The following WAC variants were observed in gnomAD, a reference collection of about 807,000 sequenced individuals.
The protein encoded by WAC is WW domain-containing adapter protein with coiled-coil.
A neutral mutation model predicts 79.6 loss-of-function variants in WAC; 11 were observed. The observed-to-expected ratio is 0.14, with a 90% CI of 0.09 to 0.23. The LOEUF is 0.23. Among genes scored for constraint, WAC ranks in the 10% least tolerant of loss-of-function variants. The pLI is 1.00. For missense variants in WAC, 728 were observed against 773.5 expected (o/e 0.94, Z 0.70); for synonymous variants, 304 against 276.9 (o/e 1.10, Z -0.97).
At chr10:28,573,738 A>G (rs1359096588) in intron 3 of WAC, among the ~76,000 whole-genome samples, 1 of 152,188 alleles carries the variant, frequency 6.6e-6, no homozygotes, top group African/African-American at 2.4e-5. Context: ...ATACCATACC[A>G]TTCAGCCATT....
intron 4 of WAC, among the ~76,000 whole-genome samples, chr10:28,587,650 C>T (rs1000441704): frequency 6.6e-6 from 1 of 152,162 alleles, no homozygotes; most frequent in Non-Finnish European, 1.5e-5. Context: ...TATTGCACAT[C>T]GGCATTGTAA....
chr10:28,555,467 T>C (rs1837930513), intron 3 of WAC, among the ~76,000 whole-genome samples: 1 of 152,022 alleles, frequency 6.6e-6, no homozygotes, highest in African/African-American at 2.4e-5. Flanking sequence ...TTGCAGTAGA[T>C]ACAAGAACCA....
In WAC at chr10:28,614,679, G is replaced by A. The variant is rs372352573; in HGVS notation, c.1550G>A (p.Arg517His). The change falls in exon 11 of 14, where the codon CGC becomes CAC. Residue 517 changes from arginine (R) to histidine (H), a missense_variant. This residue lies in a region of WAC where 648 missense variants were observed against 661.5 expected (regional missense o/e 0.98). Transcript: ENST00000354911. Reference protein sequence around the residue: ...HEPVSPRSLQRSSSQRSPSPG... With the variant: ...HEPVSPRSLQHSSSQRSPSPG... ...CCTGTCTCTCCTCGAAGTCTTCAGC[G>A]CTCAAGGTAGGTTGATATTGTATAT... 2.1e-5 allele frequency: 34 copies of A among 1,612,618 alleles called. No individual in the cohort carries two copies. The South Asian group carries it at 3.4e-4, about 16-fold the overall frequency.
chr10:28,594,289 TA>T (rs1330545375), intron 6 of WAC, among the ~76,000 whole-genome samples: 2 of 152,188 alleles, frequency 1.3e-5, no homozygotes, highest in Non-Finnish European at 2.9e-5. Context: ...GTTGAGGAAA[TA>T]AAAATTGTAT....
intron 3 of WAC, among the ~76,000 whole-genome samples, chr10:28,568,815 G>A (rs974123779): frequency 2.0e-5 from 3 of 151,982 alleles, no homozygotes; most frequent in South Asian, 2.1e-4. Flanking sequence ...CTCATGATCC[G>A]CCCACCTTGG....
At chr10:28,567,835 G>T (rs966393836) in intron 3 of WAC, among the ~76,000 whole-genome samples, 2 of 151,904 alleles carry the variant, frequency 1.3e-5, no homozygotes, top group African/African-American at 4.8e-5. Context: ...GCTCACTGCA[G>T]CCTTGACCTC....
intron 3 of WAC, among the ~76,000 whole-genome samples, chr10:28,564,787 T>C (rs929561582): frequency 6.6e-6 from 1 of 152,246 alleles, no homozygotes; most frequent in Non-Finnish European, 1.5e-5. Context: ...TAGTATATTA[T>C]GACAGCCTCA....
intron 2 of WAC, chr10:28,535,162 C>T (rs1589114382): frequency 7.2e-6 from 1 of 139,282 alleles, no homozygotes; most frequent in Non-Finnish European, 1.5e-5. Flanking sequence ...TATGCATGTG[C>T]TTATTTATAC....
intron 3 of WAC, among the ~76,000 whole-genome samples, chr10:28,561,522 C>T (rs1017443164): frequency 2.8e-4 from 42 of 151,598 alleles, no homozygotes; most frequent in African/African-American, 9.4e-4. Flanking sequence ...ATGGCATAAA[C>T]GATTTACATT....
chr10:28,569,061 G>A (rs1838804382), intron 3 of WAC, among the ~76,000 whole-genome samples: 1 of 152,122 alleles, frequency 6.6e-6, no homozygotes, highest in Non-Finnish European at 1.5e-5. Flanking sequence ...GAATGAAGAA[G>A]TTCCTGGATA....
chr10:28,587,002 C>CTG (rs1275386311), intron 4 of WAC, among the ~76,000 whole-genome samples: 7 of 152,112 alleles, frequency 4.6e-5, no homozygotes, highest in Non-Finnish European at 1.0e-4. Context: ...TGCTTCCCAC[C>CTG]TGTAGTCCTG....
chr10:28,562,312 T>G (rs1838345232), intron 3 of WAC, among the ~76,000 whole-genome samples: 1 of 152,194 alleles, frequency 6.6e-6, no homozygotes, highest in Non-Finnish European at 1.5e-5. Flanking sequence ...CACCTCAGCC[T>G]CCCAAAGTGT....
intron 3 of WAC, among the ~76,000 whole-genome samples, chr10:28,544,975 G>GA (rs1837271164): frequency 6.8e-6 from 1 of 148,044 alleles, no homozygotes; most frequent in Non-Finnish European, 1.5e-5. Context: ...CGAAGCAGGA[G>GA]AATCGCTTAA....
chr10:28,570,071 A>G (rs1403616050), intron 3 of WAC, among the ~76,000 whole-genome samples: 4 of 152,254 alleles, frequency 2.6e-5, no homozygotes, highest in African/African-American at 9.6e-5. Context: ...CAGCTGAGAC[A>G]CATGAGCAGT....
chr10:28,595,294 T>C (rs1296014470), intron 6 of WAC, among the ~76,000 whole-genome samples: 1 of 152,250 alleles, frequency 6.6e-6, no homozygotes, highest in Non-Finnish European at 1.5e-5. Context: ...CCTTTGCAGT[T>C]GAACCACTGT....
At chr10:28,566,456 G>A (rs1322724510) in intron 3 of WAC, among the ~76,000 whole-genome samples, 3 of 152,162 alleles carry the variant, frequency 2.0e-5, no homozygotes, top group Non-Finnish European at 2.9e-5. Flanking sequence ...ACAGTAAGCA[G>A]GTGAGTTTAG....
Position 28,616,278 on chromosome 10 carries a change from A to G in WAC, c.1662A>G (p.Ser554=), listed in dbSNP as rs1412626986. Residue 554 remains serine (S), a synonymous_variant, in exon 12 of 14, where the codon TCA becomes TCG. Transcript: ENST00000354911. The part of the protein sequence containing the change: ...PQNSSARSTC[S]LTPALAAHFS... ...ATTCTTCTGCCCGATCCACGTGTTCATTAACGCCTGCACTAGCAGCACACT... is the reference window on the plus strand; with the variant it reads ...ATTCTTCTGCCCGATCCACGTGTTCGTTAACGCCTGCACTAGCAGCACACT... The G allele has an allele frequency of 6.2e-7, 1 of 1,613,972 alleles. No homozygotes were observed. The highest frequency in any genetic ancestry group is 8.5e-7 in the Non-Finnish European group (1 of 1,179,984).
At chr10:28,610,085 C>T (rs1210382937) in intron 8 of WAC, among the ~76,000 whole-genome samples, 1 of 151,828 alleles carries the variant, frequency 6.6e-6, no homozygotes, top group Non-Finnish European at 1.5e-5. Context: ...GCACCTGCCA[C>T]TATGCCCAGC....
intron 3 of WAC, among the ~76,000 whole-genome samples, chr10:28,541,621 T>G (rs1414932828): frequency 6.6e-6 from 1 of 151,898 alleles, no homozygotes; most frequent in Non-Finnish European, 1.5e-5. Context: ...TTCAAAGGGT[T>G]TCTATATTGT....
Sources: gnomAD v4.1 joint callset for allele counts (sites outside exome capture counted in the v4.1 genomes callset) on GRCh38, gnomAD v4.1.1 for gene constraint, gnomAD v4.1.1 regional missense constraint, MANE v1.5 for transcripts, NCBI Gene and HGNC (gene_info 2026-07-23, HGNC 2026-07-21) for gene names.